The following GP6 variants were observed in gnomAD, a reference collection of about 807,000 sequenced individuals.
GP6 encodes the protein glycoprotein VI platelet.
GP6 carries 45 observed loss-of-function variants against 37.3 expected under a neutral mutation model. That is an observed-to-expected ratio of 1.21 (90% CI 0.95 to 1.55). The LOEUF (loss-of-function observed/expected upper bound fraction) is 1.55. Ranked by LOEUF, GP6 falls within the 40% of genes most tolerant of loss-of-function variation. The pLI, the probability that GP6 is intolerant of heterozygous loss-of-function variation, is 0.00. For synonymous variants in GP6, 340 were observed against 316.4 expected, an observed-to-expected ratio of 1.07 and a Z score of -0.79; for missense variants, 813 against 760.2, an observed-to-expected ratio of 1.07 and a Z score of -0.82.
chr19:55,014,606 G>C lies in GP6; in HGVS notation c.1339C>G (p.Leu447Val), dbSNP rs1312077578. 1.2e-6 allele frequency: 2 copies of C among 1,613,942 alleles called. No individual in the cohort carries two copies. The highest frequency in any genetic ancestry group is 2.7e-5 in the African/African-American group (2 of 74,900). The stretch of plus-strand genomic sequence containing the variant: ...AGAGATCCGTCTGGAGCCCATATTA[G>C]AGAGGTTGAAGAAAGAGGCCAGTAT... Residue 447 changes from leucine to valine, a missense_variant, in exon 8 of 8, where the codon CTA becomes GTA. By Grantham distance (32) the Leu-to-Val change is conservative. Transcript: ENST00000310373.
At chr19:55,036,344 A>G (rs773428766) in intron 1 of GP6, among the ~76,000 whole-genome samples, 2 of 152,088 alleles carry the variant, frequency 1.3e-5, no homozygotes, top group Non-Finnish European at 2.9e-5. Context: ...CTCAGAATTC[A>G]CCAGAATATA....
At chr19:55,017,085 C>T (rs1011482774) in intron 6 of GP6, among the ~76,000 whole-genome samples, 8 of 151,494 alleles carry the variant, frequency 5.3e-5, no homozygotes, top group African/African-American at 1.7e-4. Context: ...ATCTGCGGTT[C>T]CCAGACTATT....
intron 5 of GP6, among the ~76,000 whole-genome samples, chr19:55,023,685 A>C (rs532340865): frequency 6.6e-6 from 1 of 152,294 alleles, no homozygotes; most frequent in East Asian, 1.9e-4. Flanking sequence ...TTTTCTTATC[A>C]ATGATCCAGT....
At chr19:55,026,104 A>C (rs560327328) in intron 4 of GP6, among the ~76,000 whole-genome samples, 1 of 151,888 alleles carries the variant, frequency 6.6e-6, no homozygotes, top group African/African-American at 2.4e-5. Context: ...ACCTTTTTCA[A>C]CCTCAGTTCT....
chr19:55,019,473 C>T (rs999012650), intron 5 of GP6, among the ~76,000 whole-genome samples: 3 of 152,156 alleles, frequency 2.0e-5, no homozygotes, highest in Non-Finnish European at 2.9e-5. Context: ...TCCAAATCCT[C>T]ACCAATACTT....
intron 7 of GP6, among the ~76,000 whole-genome samples, chr19:55,015,462 G>A (rs2073838367): frequency 6.6e-6 from 1 of 152,120 alleles, no homozygotes; most frequent in Admixed American, 6.6e-5. Flanking sequence ...TAAGGGGTGG[G>A]GAAGAGATGG....
At chr19:55,032,923 G>A (rs995473194) in intron 1 of GP6, 69 of 319,152 alleles carry the variant, frequency 2.2e-4, no homozygotes, top group African/African-American at 1.6e-3. Flanking sequence ...GGGCTCGTTC[G>A]TGTTAGACAC....
intron 1 of GP6, among the ~76,000 whole-genome samples, chr19:55,034,126 G>GTA (rs1206181262): frequency 4.7e-5 from 2 of 42,516 alleles, no homozygotes; most frequent in East Asian, 1.1e-3. Flanking sequence ...ACGTGTATAT[G>GTA]TATGTATATG....
Position 55,013,938 on chromosome 19 carries a change from C to A in GP6, c.*144G>T. Reference sequence around the variant, plus strand: ...ATATAGAACTTTACCTTGAGAAGACCTAACATTTCCTTCAGAAAGTAAATA... The same window carrying A: ...ATATAGAACTTTACCTTGAGAAGACATAACATTTCCTTCAGAAAGTAAATA... On this transcript the variant is annotated 3_prime_UTR_variant, in exon 8 of 8. Coordinates refer to ENST00000310373, the MANE Select transcript of GP6 (RefSeq NM_001083899.2). 2 of 399,022 alleles carry A rather than the reference C, an allele frequency of 5.0e-6. No individual in the cohort carries two copies. Among genetic ancestry groups the A allele is most frequent in the East Asian group, 7.1e-5 (1 of 14,072 alleles). 24.7% of individuals were successfully genotyped at this position (399,022 alleles called of 1,614,324 possible).
intron 5 of GP6, among the ~76,000 whole-genome samples, chr19:55,023,243 A>G (rs1280444300): frequency 1.3e-5 from 2 of 152,218 alleles, no homozygotes; most frequent in Non-Finnish European, 2.9e-5. Flanking sequence ...TGACAAAAAC[A>G]AGCAATGGGG....
At chr19:55,028,990 G>A (rs1602600268) in intron 3 of GP6, among the ~76,000 whole-genome samples, 1 of 149,918 alleles carries the variant, frequency 6.7e-6, no homozygotes, top group Non-Finnish European at 1.5e-5. Context: ...GTGAGACCTT[G>A]TCTCAAAAAA....
chr19:55,027,020 G>T (rs2074332539), intron 4 of GP6, among the ~76,000 whole-genome samples: 3 of 115,466 alleles, frequency 2.6e-5, no homozygotes, highest in African/African-American at 3.6e-5. Context: ...CCCACCTACG[G>T]CCCCGCCCCT....
At position 55,013,937 on chromosome 19, in the gene GP6, C is replaced by T; in HGVS notation, c.*145G>A. The T allele has an allele frequency of 2.5e-6, 1 of 398,224 alleles. No homozygotes were observed. The highest frequency in any genetic ancestry group is 4.7e-4 in the Middle Eastern group (1 of 2,140). 24.7% of individuals were successfully genotyped at this position (398,224 alleles called of 1,614,324 possible). On this transcript the variant is annotated 3_prime_UTR_variant, in exon 8 of 8. Transcript: ENST00000310373. ...AATATAGAACTTTACCTTGAGAAGA[C>T]CTAACATTTCCTTCAGAAAGTAAAT...
chr19:55,029,358 A>G, intron 3 of GP6, among the ~76,000 whole-genome samples: 1 of 2,632 alleles, frequency 3.8e-4, no homozygotes, highest in Non-Finnish European at 6.2e-4. Flanking sequence ...ATATATATAT[A>G]TATATATATA....
intron 1 of GP6, among the ~76,000 whole-genome samples, chr19:55,037,287 G>C: frequency 6.6e-6 from 1 of 151,900 alleles, no homozygotes; most frequent in Non-Finnish European, 1.5e-5. Flanking sequence ...CTACTGTAGG[G>C]GATACTGACA....
Position 55,022,893 on chromosome 19 carries a change from A to C in GP6, c.664+2325T>G, listed in dbSNP as rs931665335. On this transcript the variant is annotated intron_variant, in intron 5 of 7. Transcript: ENST00000310373. The stretch of plus-strand genomic sequence containing the variant: ...ACAAATGGAAAAACATTCCATGCTC[A>C]TGGATAGGATGAATCAATATCGTGA... Among the ~76,000 whole-genome samples, 26 of 152,376 alleles carry C rather than the reference A, an allele frequency of 1.7e-4. 1 individual carries two copies. Among genetic ancestry groups the C allele is most frequent in the South Asian group, 2.1e-4 (1 of 4,832 alleles).
Position 55,014,125 on chromosome 19 carries a change from A to G in GP6, c.1820T>C (p.Val607Ala), listed in dbSNP as rs570669348. ...CATATTCATCCCTGTATTTTTTGAG[A>G]CAAAGTCAGGCTTCGTCACCCGAGC... The change falls in exon 8 of 8, where the codon GTC becomes GCC. Residue 607 changes from valine to alanine, a missense_variant. Coordinates refer to ENST00000310373, the MANE Select transcript of GP6 (RefSeq NM_001083899.2). The G allele has an allele frequency of 3.0e-5, 21 of 689,932 alleles. No individual in the cohort carries two copies. The highest frequency in any genetic ancestry group is 2.2e-4 in the East Asian group (8 of 36,394). The allele number at this position is 689,932 out of a possible 1,614,324, so 42.7% of individuals were successfully genotyped here.
intron 5 of GP6, among the ~76,000 whole-genome samples, chr19:55,022,483 A>G (rs1299690289): frequency 6.6e-6 from 1 of 152,192 alleles, no homozygotes; most frequent in Non-Finnish European, 1.5e-5. Context: ...ACTCCTATTC[A>G]ACATAGTATT....
At chr19:55,029,355 TATATATATATATATATATA>T (rs1331914421) in intron 3 of GP6, among the ~76,000 whole-genome samples, 184 of 3,256 alleles carry the variant, frequency 0.057, 2 homozygotes, top group Non-Finnish European at 0.066. Flanking sequence ...TATATATATA[TATATATATATATATATATA>T]TTTTTTTTTT....
Sources: allele counts gnomAD v4.1 joint callset (sites outside exome capture counted in the v4.1 genomes callset), GRCh38; gene constraint gnomAD v4.1.1; transcripts MANE v1.5; gene names NCBI Gene and HGNC (gene_info 2026-07-23, HGNC 2026-07-21).